Variants in ERBB4 observed in about 807,000 individuals in gnomAD.
The protein encoded by ERBB4 is receptor tyrosine-protein kinase erbB-4.
In ERBB4, 42 loss-of-function variants were observed where a neutral mutation model predicts 158.0. The observed-to-expected ratio is 0.27, with a 90% confidence interval of 0.21 to 0.34. The LOEUF (loss-of-function observed/expected upper bound fraction) is 0.34, where lower values mean the gene tolerates loss of function less well. Among genes scored for constraint, ERBB4 ranks in the 10% least tolerant of loss-of-function variants. The pLI, the probability that ERBB4 is intolerant of heterozygous loss-of-function variation, is 1.00. For synonymous variants in ERBB4, 583 were observed against 558.7 expected, an observed-to-expected ratio of 1.04 and a Z score of -0.61; for missense variants, 1,333 against 1,624.1, an observed-to-expected ratio of 0.82 and a Z score of 3.08.
chr2:211,914,569 T>TGAG (rs2079635538), intron 3 of ERBB4, among the ~76,000 whole-genome samples: 1 of 152,134 alleles, frequency 6.6e-6, no homozygotes, highest in Non-Finnish European at 1.5e-5. Flanking sequence ...TACCTCTCTT[T>TGAG]GAGGAGGCTT....
At chr2:212,179,050 A>T (rs1489203951) in intron 1 of ERBB4, among the ~76,000 whole-genome samples, 13 of 151,724 alleles carry the variant, frequency 8.6e-5, no homozygotes, top group Admixed American at 2.0e-4. Context: ...TGTCTCTTAA[A>T]TTACATTGAA....
intron 12 of ERBB4, 150 bp downstream of exon 12, chr2:211,701,817 G>T (rs1422407726): frequency 5.0e-5 from 23 of 463,858 alleles, no homozygotes; most frequent in Non-Finnish European, 7.6e-5. Context: ...TTTATACCAT[G>T]TTGGTAATTG....
At chr2:212,345,930 TAG>T (rs992036435) in intron 1 of ERBB4, among the ~76,000 whole-genome samples, 4 of 152,282 alleles carry the variant, frequency 2.6e-5, no homozygotes, top group East Asian at 1.9e-4. Flanking sequence ...CCGAAAAAGA[TAG>T]AGAGATAAAT....
At chr2:212,386,153 T>C (rs116448707) in intron 1 of ERBB4, among the ~76,000 whole-genome samples, 260 of 151,990 alleles carry the variant, frequency 1.7e-3, no homozygotes, top group Middle Eastern at 6.8e-3. Flanking sequence ...AAAAATACAC[T>C]TTTTTGTATT....
intron 7 of ERBB4, among the ~76,000 whole-genome samples, chr2:211,719,259 A>C (rs1176189044): frequency 2.0e-5 from 3 of 152,218 alleles, no homozygotes; most frequent in Admixed American, 1.3e-4. Flanking sequence ...TTTCACCATC[A>C]GTCAATGAAG....
chr2:212,131,216 T>C (rs1250801276), intron 1 of ERBB4, among the ~76,000 whole-genome samples: 3 of 152,180 alleles, frequency 2.0e-5, no homozygotes, highest in Non-Finnish European at 4.4e-5. Flanking sequence ...CTGCTATCCC[T>C]TCCCTGGACT....
At chr2:212,444,740 C>T (rs1046726957) in intron 1 of ERBB4, among the ~76,000 whole-genome samples, 1 of 152,134 alleles carries the variant, frequency 6.6e-6, no homozygotes, top group Non-Finnish European at 1.5e-5. Flanking sequence ...CAAGGCTGAC[C>T]TGGCTACAGC....
At chr2:211,587,883 C>T (rs752877614) in intron 19 of ERBB4, among the ~76,000 whole-genome samples, 5 of 152,100 alleles carry the variant, frequency 3.3e-5, no homozygotes, top group Non-Finnish European at 7.3e-5. Context: ...TACACTTGTA[C>T]CTTCAGATAT....
intron 1 of ERBB4, among the ~76,000 whole-genome samples, chr2:212,405,581 A>C (rs776500394): frequency 6.6e-5 from 10 of 152,120 alleles, no homozygotes; most frequent in Non-Finnish European, 1.5e-4. Flanking sequence ...TACAGTTCTA[A>C]ATAGGACAGC....
chr2:211,742,306 C>T (rs554464290), intron 5 of ERBB4, among the ~76,000 whole-genome samples: 38 of 152,228 alleles, frequency 2.5e-4, no homozygotes, highest in South Asian at 1.7e-3. Flanking sequence ...TATATGTGTA[C>T]GCATGTGTGT....
intron 20 of ERBB4, among the ~76,000 whole-genome samples, chr2:211,514,446 C>T (rs113250169): frequency 0.016 from 2,502 of 152,018 alleles, 53 homozygotes; most frequent in South Asian, 0.075. Flanking sequence ...TAATATTGAG[C>T]ACATAACAAG....
In ERBB4 at chr2:212,443,074, T is replaced by C. The variant is rs143005502; in HGVS notation, c.82+95375A>G. 1.9e-3 allele frequency among the ~76,000 whole-genome samples: 297 copies of C among 152,368 alleles called. 1 individual carries two copies. The highest frequency in any genetic ancestry group is 6.8e-3 in the African/African-American group (284 of 41,590). On this transcript the variant is annotated intron_variant, in intron 1 of 27. Coordinates refer to ENST00000342788, the MANE Select transcript of ERBB4 (RefSeq NM_005235.3). Reference sequence around the variant, plus strand: ...TCTCCTGGTACCTGGTATGCAGCCATTGACTTGGCAAATGCCTTTTTCTCC... The same window carrying C: ...TCTCCTGGTACCTGGTATGCAGCCACTGACTTGGCAAATGCCTTTTTCTCC...
chr2:212,309,607 C>A (rs1160539010), intron 1 of ERBB4, among the ~76,000 whole-genome samples: 1 of 150,676 alleles, frequency 6.6e-6, no homozygotes, highest in African/African-American at 2.4e-5. Context: ...CAAATAAGTA[C>A]TCTTTAAATA....
At chr2:211,825,220 C>T (rs2077075948) in intron 3 of ERBB4, among the ~76,000 whole-genome samples, 1 of 151,592 alleles carries the variant, frequency 6.6e-6, no homozygotes, top group African/African-American at 2.4e-5. Context: ...AAAATTAAAA[C>T]ATGTAGATTT....
intron 1 of ERBB4, among the ~76,000 whole-genome samples, chr2:212,534,963 T>G (rs1692963852): frequency 6.6e-6 from 1 of 152,146 alleles, no homozygotes; most frequent in Non-Finnish European, 1.5e-5. Flanking sequence ...AATTTCTTAA[T>G]TAAGACACAT....
intron 1 of ERBB4, among the ~76,000 whole-genome samples, chr2:212,238,422 T>C (rs2083958968): frequency 6.6e-6 from 1 of 152,068 alleles, no homozygotes; most frequent in Non-Finnish European, 1.5e-5. Flanking sequence ...GTCTAACCAG[T>C]CCCAGTGAGA....
At chr2:211,867,333 T>C (rs957894952) in intron 3 of ERBB4, among the ~76,000 whole-genome samples, 2 of 152,208 alleles carry the variant, frequency 1.3e-5, no homozygotes, top group African/African-American at 2.4e-5. Context: ...GAAATCATCT[T>C]ATAATCATTT....
rs147858226 is a variant in ERBB4 at position 212,301,480 on chromosome 2, A to C, written c.83-176577T>G. Among the ~76,000 whole-genome samples the C allele has an allele frequency of 6.7e-3, 1,013 of 151,544 alleles. 12 individuals are homozygous for C. Among genetic ancestry groups the C allele is most frequent in the African/African-American group, 0.023 (949 of 41,482 alleles). On this transcript the variant is annotated intron_variant, in intron 1 of 27. Coordinates refer to ENST00000342788, the MANE Select transcript of ERBB4 (RefSeq NM_005235.3). The stretch of plus-strand genomic sequence containing the variant: ...TCACAAATTTGTCTTAATCTGTGTT[A>C]TATCATGTGACTCTGAAATAGTTTA...
intron 20 of ERBB4, among the ~76,000 whole-genome samples, chr2:211,521,099 A>C (rs1239945707): frequency 1.3e-5 from 2 of 151,526 alleles, no homozygotes; most frequent in African/African-American, 2.4e-5. Flanking sequence ...AAGAGTTGCA[A>C]GTCTCTCATT....
Sources: gnomAD v4.1 joint callset for allele counts (sites outside exome capture counted in the v4.1 genomes callset) on GRCh38, gnomAD v4.1.1 for gene constraint, MANE v1.5 for transcripts, NCBI Gene and HGNC (gene_info 2026-07-23, HGNC 2026-07-21) for gene names.